The following MICU2 variants were observed in gnomAD, a reference collection of about 807,000 sequenced individuals.
The protein encoded by MICU2 is calcium uptake protein 2, mitochondrial.
In MICU2, 64 loss-of-function variants were observed where a neutral mutation model predicts 60.4. That is an observed-to-expected ratio of 1.06 (90% CI 0.87 to 1.31). The LOEUF (loss-of-function observed/expected upper bound fraction) is 1.31. MICU2 is among the 50% of genes most tolerant of loss of function. MICU2 has a pLI of 0.00. For synonymous variants in MICU2, 201 were observed against 175.0 expected (o/e 1.15, Z -1.17); for missense variants, 569 against 531.0 (o/e 1.07, Z -0.70).
chr13:21,587,524 T>C lies in MICU2; in HGVS notation c.210+16415A>G, dbSNP rs76321167. Among the ~76,000 whole-genome samples the C allele has an allele frequency of 4.5e-3, 688 of 152,256 alleles. 8 individuals carry two copies. The highest frequency in any genetic ancestry group is 0.016 in the African/African-American group (654 of 41,552). The stretch of plus-strand genomic sequence containing the variant: ...ATCATGAGGAAACATTAACCAAACC[T>C]AAATTAAGGAAGATTCTGGAGATAG... On this transcript the variant is annotated intron_variant, in intron 1 of 11. Transcript: ENST00000382374.
intron 2 of MICU2, among the ~76,000 whole-genome samples, chr13:21,563,125 G>C (rs1311496361): frequency 6.6e-6 from 1 of 151,684 alleles, no homozygotes; most frequent in Non-Finnish European, 1.5e-5. Context: ...TTCTTCTTTG[G>C]CTTCTTTCAA....
Position 21,541,598 on chromosome 13 carries a change from AT to A in MICU2, c.359-1911del, listed in dbSNP as rs1387704071. ...CCCTGTCTTTTGGATAAATTATTAT[AT>A]CCCCACTTTACATGTAAAACAAATT... On this transcript the variant is annotated intron_variant, in intron 2 of 11. Transcript: ENST00000382374. 5.9e-5 allele frequency among the ~76,000 whole-genome samples: 9 copies of A among 152,314 alleles called. No homozygotes were observed. In the Middle Eastern group the frequency reaches 0.017, roughly 288 times the overall value.
At chr13:21,599,017 A>C (rs1888757513) in intron 1 of MICU2, among the ~76,000 whole-genome samples, 1 of 152,182 alleles carries the variant, frequency 6.6e-6, no homozygotes, top group Admixed American at 6.5e-5. Flanking sequence ...CAGTAGCATT[A>C]GATTCTGATA....
intron 9 of MICU2, among the ~76,000 whole-genome samples, chr13:21,500,628 C>T (rs994199664): frequency 3.3e-5 from 5 of 151,736 alleles, no homozygotes; most frequent in East Asian, 3.9e-4. Flanking sequence ...CATGTTGGCC[C>T]GGCTAGTCTC....
intron 2 of MICU2, among the ~76,000 whole-genome samples, chr13:21,557,719 CT>C (rs1437711408): frequency 6.6e-6 from 1 of 152,008 alleles, no homozygotes; most frequent in African/African-American, 2.4e-5. Context: ...GATTATTATC[CT>C]TCTTATCCAT....
intron 6 of MICU2, among the ~76,000 whole-genome samples, chr13:21,518,490 C>T (rs901624983): frequency 5.3e-5 from 8 of 152,146 alleles, no homozygotes; most frequent in African/African-American, 1.7e-4. Flanking sequence ...TTTATAAAAT[C>T]GCCTCCAGCT....
chr13:21,528,602 CTGTT>C (rs1423953721), intron 4 of MICU2, among the ~76,000 whole-genome samples: 8 of 152,180 alleles, frequency 5.3e-5, no homozygotes, highest in African/African-American at 1.7e-4. Context: ...CTACTGTTCT[CTGTT>C]TGTTCAGTCA....
chr13:21,561,686 GTTTCT>G (rs1386290966), intron 2 of MICU2, among the ~76,000 whole-genome samples: 13 of 97,680 alleles, frequency 1.3e-4, no homozygotes, highest in African/African-American at 3.7e-4. Flanking sequence ...TTTAAAGTGG[GTTTCT>G]TTTTTTTTTT....
intron 4 of MICU2, among the ~76,000 whole-genome samples, chr13:21,534,178 C>T (rs1329677574): frequency 6.7e-6 from 1 of 150,256 alleles, no homozygotes; most frequent in Non-Finnish European, 1.5e-5. Flanking sequence ...CCAAGTAATC[C>T]TTTTTAAATT....
rs143896719 is a variant in MICU2, at chr13:21,499,036, C to T, written c.934-2876G>A. ...CGTGATCTTGGCTCACCAGAACCTC[C>T]GCCTCCCTCATTCAAGCGATTCTTC... On this transcript the variant is annotated intron_variant, in intron 9 of 11. Transcript: ENST00000382374. Among the ~76,000 whole-genome samples the T allele has an allele frequency of 9.2e-3, 1,400 of 152,104 alleles. 21 individuals carry two copies. Among genetic ancestry groups the T allele is most frequent in the African/African-American group, 0.032 (1,346 of 41,494 alleles).
chr13:21,562,752 T>C (rs1887877857), intron 2 of MICU2, among the ~76,000 whole-genome samples: 1 of 152,058 alleles, frequency 6.6e-6, no homozygotes, highest in Non-Finnish European at 1.5e-5. Context: ...ATTGTGTTGC[T>C]ATTATTATTT....
chr13:21,603,867 C>A (rs1566175528), intron 1 of MICU2, 72 bp downstream of exon 1: 4 of 1,545,710 alleles, frequency 2.6e-6, no homozygotes, highest in Non-Finnish European at 2.6e-6. Context: ...CAGAGCCAAA[C>A]CACTCCCCGC....
intron 9 of MICU2, among the ~76,000 whole-genome samples, chr13:21,502,406 G>GTA (rs1384810744): frequency 6.6e-6 from 1 of 151,796 alleles, no homozygotes; most frequent in African/African-American, 2.4e-5. Context: ...CATACATCTC[G>GTA]TATATATATA....
chr13:21,543,640 C>CA (rs1297637164), intron 2 of MICU2, among the ~76,000 whole-genome samples: 1 of 152,046 alleles, frequency 6.6e-6, no homozygotes, highest in Non-Finnish European at 1.5e-5. Flanking sequence ...AAAATAACTA[C>CA]AAAACACTGA....
chr13:21,495,686 C>A, intron 10 of MICU2: 1 of 212,990 alleles, frequency 4.7e-6, no homozygotes. Context: ...CAGGCGCCTG[C>A]CACCACGCCC....
intron 2 of MICU2, among the ~76,000 whole-genome samples, chr13:21,543,751 C>CTA (rs1887339673): frequency 6.6e-6 from 1 of 151,952 alleles, no homozygotes; most frequent in Non-Finnish European, 1.5e-5. Flanking sequence ...CCAAAGTGAT[C>CTA]TATAGATCCA....
At chr13:21,519,452 C>T (rs2138162686) in intron 6 of MICU2, among the ~76,000 whole-genome samples, 1 of 152,318 alleles carries the variant, frequency 6.6e-6, no homozygotes, top group South Asian at 2.1e-4. Context: ...ATCCTGCACT[C>T]TCTGGGCTCT....
chr13:21,508,150 G>T (rs1320921805), intron 8 of MICU2, among the ~76,000 whole-genome samples: 2 of 148,480 alleles, frequency 1.3e-5, no homozygotes, highest in African/African-American at 5.0e-5. Context: ...TTTTGAGACG[G>T]AGTCTCGCTC....
At position 21,495,286 on chromosome 13, in the gene MICU2, C is replaced by T. The variant is rs761799764; in HGVS notation, c.1075G>A (p.Gly359Arg). 3 of 1,608,720 alleles carry T rather than the reference C, an allele frequency of 1.9e-6. No homozygotes were observed. Among genetic ancestry groups the T allele is most frequent in the Admixed American group, 3.4e-5 (2 of 59,270 alleles). The change falls in exon 11 of 12, where the codon GGA becomes AGA. Residue 359 changes from glycine (G) to arginine (R), a missense_variant. Coordinates refer to ENST00000382374, the MANE Select transcript of MICU2 (RefSeq NM_152726.3). The part of the protein sequence containing the change: ...EFKRAVKVAT[G>R]QELSNNILDT... ...AAAATATTGTTTGAGAGTTCTTGTC[C>T]TGTTGCTACTTTCACAGCTCTCTTA...
Sources: allele counts gnomAD v4.1 joint callset (sites outside exome capture counted in the v4.1 genomes callset), GRCh38; gene constraint gnomAD v4.1.1; transcripts MANE v1.5; gene names NCBI Gene and HGNC (gene_info 2026-07-23, HGNC 2026-07-21).